The following FBN1 variants were observed in gnomAD, a reference collection of about 807,000 sequenced individuals.
FBN1 encodes the protein fibrillin-1.
FBN1 carries 29 observed loss-of-function variants against 365.1 expected under a neutral mutation model. The ratio of observed to expected loss-of-function variants is 0.08; its 90% CI spans 0.06 to 0.11. The LOEUF is 0.11. Ranked by LOEUF, FBN1 falls within the 10% of genes least tolerant of loss-of-function variation. The probability of loss-of-function intolerance (pLI) is 1.00; values close to 1 mark genes in which losing one functional copy is unlikely to be tolerated. For missense variants in FBN1, 2,476 were observed against 3,703.2 expected (o/e 0.67, Z 8.60); for synonymous variants, 1,210 against 1,270.5 (o/e 0.95, Z 1.01).
intron 4 of FBN1, among the ~76,000 whole-genome samples, chr15:48,607,625 A>C (rs1274697057): frequency 1.3e-5 from 2 of 151,842 alleles, no homozygotes; most frequent in Non-Finnish European, 2.9e-5. Flanking sequence ...CAGACATGTA[A>C]TCTGCTGGCC....
At chr15:48,448,618 A>G in intron 46 of FBN1, 150 bp downstream of exon 46, 1 of 661,408 alleles carries the variant, frequency 1.5e-6, no homozygotes, top group Non-Finnish European at 2.5e-6. Context: ...AAGATTAAAT[A>G]GGATATCACT....
chr15:48,439,694 C>G lies in FBN1; in HGVS notation c.6164-1777G>C, dbSNP rs543252149. Among the ~76,000 whole-genome samples, 18 of 152,178 alleles carry G rather than the reference C, an allele frequency of 1.2e-4. No homozygotes were observed. In the South Asian group the frequency reaches 2.7e-3, roughly 23 times the overall value. ...TGTATTAAAATTCTCATTCTCTTTT[C>G]CTTTAATAGCTGACTTCGTCCCAGA... On this transcript the variant is annotated intron_variant, in intron 50 of 65. Transcript: ENST00000316623.
At chr15:48,496,724 A>G (rs2043611757) in intron 19 of FBN1, among the ~76,000 whole-genome samples, 2 of 152,328 alleles carry the variant, frequency 1.3e-5, no homozygotes, top group South Asian at 4.1e-4. Context: ...AGTACAAAGT[A>G]ATCTGTAGCA....
chr15:48,413,867 G>C (rs988422563), intron 64 of FBN1, among the ~76,000 whole-genome samples: 1 of 152,164 alleles, frequency 6.6e-6, no homozygotes, highest in Non-Finnish European at 1.5e-5. Flanking sequence ...GCAGTTTATA[G>C]GTTCCTACTG....
At chr15:48,434,489 T>G in intron 54 of FBN1, 105 bp downstream of exon 54, 1 of 1,452,072 alleles carries the variant, frequency 6.9e-7, no homozygotes, top group Non-Finnish European at 9.7e-7. Context: ...TAGATGATCT[T>G]TATTATATAC....
At position 48,465,779 on chromosome 15, in the gene FBN1, AAC is replaced by A. The variant is rs1461976943; in HGVS notation, c.4816+9_4816+10del. On this transcript the variant is annotated intron_variant, in intron 39 of 65. Coordinates refer to ENST00000316623, the MANE Select transcript of FBN1 (RefSeq NM_000138.5). ...GTTGTGTGTGCTTTAAGACAAAGGA[AAC>A]ACAATTACCTTCCAATATAACGGTG... 1 of 1,612,854 alleles carries A rather than the reference AAC, an allele frequency of 6.2e-7. No homozygotes were observed.
At chr15:48,523,587 C>T (rs1210834963) in intron 9 of FBN1, among the ~76,000 whole-genome samples, 4 of 151,860 alleles carry the variant, frequency 2.6e-5, no homozygotes, top group Non-Finnish European at 5.9e-5. Context: ...TGAAAACCTA[C>T]AGGCTAATAA....
At chr15:48,433,035 A>G in intron 54 of FBN1, 47 bp from the exon 55 acceptor site, 1 of 1,607,992 alleles carries the variant, frequency 6.2e-7, no homozygotes, top group East Asian at 2.2e-5. Context: ...GACAGCAACA[A>G]AAGGGAACCT....
chr15:48,454,653 A>T (rs543088105), intron 44 of FBN1, among the ~76,000 whole-genome samples: 1 of 152,350 alleles, frequency 6.6e-6, no homozygotes, highest in East Asian at 1.9e-4. Context: ...GGCCCTTAGT[A>T]CCAGTTCTGG....
chr15:48,637,655 G>A (rs1889304417), intron 2 of FBN1, among the ~76,000 whole-genome samples: 1 of 152,086 alleles, frequency 6.6e-6, no homozygotes, highest in African/African-American at 2.4e-5. Flanking sequence ...ACCATACCCA[G>A]TTAATCAGCT....
intron 9 of FBN1, among the ~76,000 whole-genome samples, chr15:48,521,438 T>C (rs62011402): frequency 0.061 from 9,271 of 152,286 alleles, 471 homozygotes; most frequent in Non-Finnish European, 0.083. Flanking sequence ...ACTAGTTATT[T>C]ATAACTTCAA....
chr15:48,588,706 A>G (rs2140699910), intron 6 of FBN1, among the ~76,000 whole-genome samples: 1 of 152,322 alleles, frequency 6.6e-6, no homozygotes, highest in Non-Finnish European at 1.5e-5. Flanking sequence ...GACCTCTTAA[A>G]CCTTTATGCA....
intron 10 of FBN1, among the ~76,000 whole-genome samples, chr15:48,520,224 G>C (rs2043839464): frequency 6.6e-6 from 1 of 151,276 alleles, no homozygotes; most frequent in African/African-American, 2.4e-5. Flanking sequence ...AGATAAAAGA[G>C]ATACTGTGAA....
chr15:48,532,804 A>G (rs1224488407), intron 8 of FBN1, among the ~76,000 whole-genome samples: 1 of 152,182 alleles, frequency 6.6e-6, no homozygotes, highest in African/African-American at 2.4e-5. Context: ...GCCTATCAAG[A>G]GTCAACTTTA....
chr15:48,526,318 G>A, intron 8 of FBN1, 63 bp from the exon 9 acceptor site: 1 of 1,569,174 alleles, frequency 6.4e-7, no homozygotes, highest in Non-Finnish European at 8.7e-7. Flanking sequence ...TTCGTCAGTA[G>A]AAGGACTCAG....
intron 6 of FBN1, among the ~76,000 whole-genome samples, chr15:48,538,758 G>C (rs2044033455): frequency 6.6e-6 from 1 of 152,158 alleles, no homozygotes; most frequent in South Asian, 2.1e-4. Context: ...GCTGGGGTAA[G>C]ACTCATGGGC....
At chr15:48,509,421 T>A (rs2043739940) in intron 14 of FBN1, among the ~76,000 whole-genome samples, 1 of 148,064 alleles carries the variant, frequency 6.8e-6, no homozygotes, top group South Asian at 2.1e-4. Flanking sequence ...TATATATACA[T>A]ATTTTAGATA....
chr15:48,558,755 T>A (rs576393130), intron 6 of FBN1, among the ~76,000 whole-genome samples: 1 of 152,296 alleles, frequency 6.6e-6, no homozygotes, highest in South Asian at 2.1e-4. Flanking sequence ...GATAACTAGG[T>A]CTGTTTTTCT....
At chr15:48,477,383 A>G (rs922055575) in intron 32 of FBN1, among the ~76,000 whole-genome samples, 1 of 152,208 alleles carries the variant, frequency 6.6e-6, no homozygotes, top group African/African-American at 2.4e-5. Flanking sequence ...TCAGGAGCCA[A>G]TATTCAATTC....
Sources: gnomAD v4.1 joint callset for allele counts (sites outside exome capture counted in the v4.1 genomes callset) on GRCh38, gnomAD v4.1.1 for gene constraint, MANE v1.5 for transcripts, NCBI Gene and HGNC (gene_info 2026-07-23, HGNC 2026-07-21) for gene names.